The following SMG1 variants were observed in gnomAD, a reference collection of about 807,000 sequenced individuals.
SMG1 encodes SMG1 nonsense mediated mRNA decay associated PI3K related kinase.
SMG1 carries 22 observed loss-of-function variants against 419.9 expected under a neutral mutation model. The ratio of observed to expected loss-of-function variants is 0.05; its 90% confidence interval spans 0.04 to 0.07. The LOEUF (loss-of-function observed/expected upper bound fraction) is 0.07. Ranked by LOEUF, SMG1 falls within the 10% of genes least tolerant of loss-of-function variation. SMG1 has a pLI of 1.00. For synonymous variants in SMG1, 1,538 were observed against 1,553.5 expected, an observed-to-expected ratio of 0.99 and a Z score of 0.23; for missense variants, 3,185 against 4,342.0, an observed-to-expected ratio of 0.73 and a Z score of 7.49.
At position 18,882,083 on chromosome 16, in the gene SMG1, A is replaced by T. The variant is rs903367554; in HGVS notation, c.1293+82T>A. The stretch of plus-strand genomic sequence containing the variant: ...GCTAAACAAATGAAGGATTAATAAC[A>T]GTTCACCAGGTAAAGAGAAGCATTT... On this transcript the variant is annotated intron_variant, in intron 10 of 62. Transcript: ENST00000446231. The T allele has an allele frequency of 4.1e-5, 38 of 923,100 alleles. No homozygotes were observed. In the African/African-American group the frequency reaches 5.8e-4, roughly 14 times the overall value. 57.2% of individuals were successfully genotyped at this position (923,100 alleles called of 1,614,324 possible).
At chr16:18,851,456 G>A (rs538094840) in intron 33 of SMG1, among the ~76,000 whole-genome samples, 2 of 152,334 alleles carry the variant, frequency 1.3e-5, no homozygotes, top group South Asian at 4.1e-4. Flanking sequence ...AGTAAGTTTC[G>A]TGCACTGGCA....
chr16:18,816,924 C>T lies in SMG1; in HGVS notation c.10074+367G>A, dbSNP rs142629798. ...AAACTTACCAACTTGCTATTTCTGG[C>T]CTTCACTAACCTTTCCAGCATTCAT... is the stretch of plus-strand genomic sequence containing the variant. On this transcript the variant is annotated intron_variant, in intron 57 of 62. Coordinates refer to ENST00000446231, the MANE Select transcript of SMG1 (RefSeq NM_015092.5). Among the ~76,000 whole-genome samples, 4 of 152,194 alleles carry T rather than the reference C, an allele frequency of 2.6e-5. No homozygotes were observed. In the East Asian group the frequency reaches 7.7e-4, roughly 29 times the overall value.
At position 18,817,274 on chromosome 16, in the gene SMG1, T is replaced by C. The variant is rs774699757; in HGVS notation, c.10074+17A>G. ...CACTAGCCTTATTTAATCAAGTTTC[T>C]TTCCACCAAGACTCACCACTCTCTG... On this transcript the variant is annotated intron_variant, in intron 57 of 62. Transcript: ENST00000446231. 1.4e-5 allele frequency: 22 copies of C among 1,589,746 alleles called. No homozygotes were observed. In the East Asian group the frequency reaches 4.7e-4, roughly 34 times the overall value.
intron 1 of SMG1, 110 bp from the exon 2 acceptor site, chr16:18,897,066 G>T (rs1421092949): frequency 4.1e-6 from 3 of 730,468 alleles, no homozygotes; most frequent in Admixed American, 2.8e-5. Context: ...ACTATTTAGT[G>T]TAATATGTAC....
At chr16:18,886,854 C>T (rs2036633815) in intron 6 of SMG1, among the ~76,000 whole-genome samples, 1 of 152,054 alleles carries the variant, frequency 6.6e-6, no homozygotes, top group African/African-American at 2.4e-5. Flanking sequence ...ATGTTATAAT[C>T]TACACAGGCA....
At chr16:18,918,606 T>C (rs1032414813) in intron 1 of SMG1, among the ~76,000 whole-genome samples, 36 of 152,156 alleles carry the variant, frequency 2.4e-4, no homozygotes, top group African/African-American at 8.2e-4. Flanking sequence ...TGGAGTGCAA[T>C]GGCATGATCT....
chr16:18,882,176 A>T lies in SMG1; in HGVS notation c.1282T>A (p.Tyr428Asn). The T allele has an allele frequency of 4.4e-6, 7 of 1,580,210 alleles. No individual in the cohort carries two copies. Among genetic ancestry groups the T allele is most frequent in the Non-Finnish European group, 6.0e-6 (7 of 1,165,378 alleles). ...PIRGPPITEA[Y>N]VTDVLYRVMR... ...CCAAAAGCACTTACATCTGTTACAT[A>T]TGCCTCAGTAATTGGAGGACCCCGA... The change falls in exon 10 of 63, where the codon TAT becomes AAT. Residue 428 changes from tyrosine (Y) to asparagine (N), a missense_variant. By Grantham distance (143) the Tyr-to-Asn change is moderately radical (BLOSUM62 -2). Around this residue, in one of 27 missense-constraint regions of SMG1, gnomAD observed 52 missense variants for 69.0 expected, o/e 0.75. Transcript: ENST00000446231.
intron 1 of SMG1, among the ~76,000 whole-genome samples, chr16:18,902,627 G>A (rs887640160): frequency 6.6e-6 from 1 of 151,894 alleles, no homozygotes; most frequent in African/African-American, 2.4e-5. Context: ...CTGAACCTGG[G>A]AGGGAGGAGG....
intron 1 of SMG1, chr16:18,924,768 A>G (rs1454768346): frequency 6.6e-6 from 1 of 152,232 alleles, no homozygotes; most frequent in Non-Finnish European, 1.5e-5. Flanking sequence ...TTGGAAAGGC[A>G]TATTAAATAG....
rs749861336 is a variant in SMG1, at chr16:18,833,181, GA to G, written c.8566-16del. The G allele has an allele frequency of 3.1e-5, 50 of 1,602,124 alleles. No individual in the cohort carries two copies. In the South Asian group the frequency reaches 5.1e-4, roughly 16 times the overall value. ...GAATTCAATTCCTATAAATATATGA[GA>G]AAAAAACTTTTAATGTTTTTTGAGT... On this transcript the variant is annotated splice_polypyrimidine_tract_variant and intron_variant, in intron 50 of 62. Coordinates refer to ENST00000446231, the MANE Select transcript of SMG1 (RefSeq NM_015092.5).
chr16:18,859,536 C>T lies in SMG1; in HGVS notation c.3953+20G>A, dbSNP rs1567380795. On this transcript the variant is annotated intron_variant, in intron 27 of 62. Transcript: ENST00000446231. The stretch of plus-strand genomic sequence containing the variant: ...CATGATATACACAATGTACATTTAC[C>T]TCCGTAAGAGTAAACTTACTCAGTT... 1 of 1,362,786 alleles carries T rather than the reference C, an allele frequency of 7.3e-7. No homozygotes were observed. The highest frequency in any genetic ancestry group is 1.0e-6 in the Non-Finnish European group (1 of 968,472). The allele number at this position is 1,362,786 out of a possible 1,614,324, so 84.4% of individuals were successfully genotyped here.
intron 11 of SMG1, chr16:18,879,218 C>G (rs1256058960): frequency 9.3e-6 from 4 of 428,306 alleles, no homozygotes; most frequent in Middle Eastern, 7.1e-4. Context: ...TGGGCTTAAT[C>G]GATCCTCCTC....
At chr16:18,908,365 C>T (rs1401243577) in intron 1 of SMG1, among the ~76,000 whole-genome samples, 2 of 77,648 alleles carry the variant, frequency 2.6e-5, no homozygotes, top group Non-Finnish European at 5.1e-5. Context: ...ACTCAGTCTC[C>T]AAAAAAAAAA....
Position 18,843,507 on chromosome 16 carries a change from A to C in SMG1, c.6220-1053T>G, listed in dbSNP as rs2034045426. On this transcript the variant is annotated intron_variant, in intron 39 of 62. Coordinates refer to ENST00000446231, the MANE Select transcript of SMG1 (RefSeq NM_015092.5). The stretch of plus-strand genomic sequence containing the variant: ...GCTTCCATGTGAAAAAATGTAAAGC[A>C]ATTTTTAGCAAGCTCTGTTCATAAA... 2.0e-5 allele frequency among the ~76,000 whole-genome samples: 3 copies of C among 152,222 alleles called. No individual in the cohort carries two copies. The South Asian group carries it at 6.2e-4, about 32-fold the overall frequency.
chr16:18,827,630 A>T (rs2032821743), intron 55 of SMG1, among the ~76,000 whole-genome samples: 1 of 143,710 alleles, frequency 7.0e-6, no homozygotes, highest in Non-Finnish European at 1.5e-5. Flanking sequence ...ATATATTTTT[A>T]TATATATTTG....
chr16:18,866,647 G>C lies in SMG1; in HGVS notation c.3324C>G (p.Asn1108Lys). ...SIVGKNLLWI[N>K]SVAQQAEGRF... is the part of the protein sequence containing the mutation. Reference sequence around the variant, plus strand: ...TCCCTTCAGCCTGTTGAGCCACTGAGTTAATCCACAGAAGATTTTTTCCAA... The same window carrying C: ...TCCCTTCAGCCTGTTGAGCCACTGACTTAATCCACAGAAGATTTTTTCCAA... The change falls in exon 23 of 63, where the codon AAC (asparagine) becomes AAG (lysine). Residue 1108 changes from asparagine (N) to lysine (K), a missense_variant. Coordinates refer to ENST00000446231, the MANE Select transcript of SMG1 (RefSeq NM_015092.5). 6.3e-7 allele frequency: 1 copy of C among 1,593,604 alleles called. No homozygotes were observed. Among genetic ancestry groups the C allele is most frequent in the East Asian group, 2.2e-5 (1 of 44,844 alleles).
intron 42 of SMG1, among the ~76,000 whole-genome samples, chr16:18,839,158 T>A (rs1028553733): frequency 3.3e-5 from 5 of 152,166 alleles, no homozygotes; most frequent in East Asian, 1.9e-4. Flanking sequence ...TTTCTTTTTT[T>A]AAATTTAAAT....
chr16:18,817,293 C>T lies in SMG1; in HGVS notation c.10072G>A (p.Val3358Met), dbSNP rs923607486. 4.4e-6 allele frequency: 7 copies of T among 1,606,702 alleles called. No homozygotes were observed. The highest frequency in any genetic ancestry group is 1.7e-4 in the Middle Eastern group (1 of 6,060). Residue 3358 changes from valine to methionine, a missense_variant and splice_region_variant, in exon 57 of 63, where the codon GTG becomes ATG. Physicochemically the swap from Val to Met is conservative, Grantham distance 21. Transcript: ENST00000446231. ...SELELRLLQR[V>M]DTGLEHPIGS... ...AGTTTCTTTCCACCAAGACTCACCA[C>T]TCTCTGTAATAAACGAAGCTCTAAC...
Position 18,838,224 on chromosome 16 carries a change from G to A in SMG1, c.7203C>T (p.His2401=), listed in dbSNP as rs2033700510. The part of the protein sequence containing the change: ...VFRLSCEQVL[H]IMRRGRETLL... ...GGGTCTCTCTGCCACGCCGCATAAT[G>A]TGTAAAACCTGTTTTCAGGAGAGTT... The change falls in exon 45 of 63, where the codon CAC becomes CAT. Residue 2401 remains histidine (H), a synonymous_variant. Transcript: ENST00000446231. 1 of 1,610,706 alleles carries A rather than the reference G, an allele frequency of 6.2e-7. No individual in the cohort carries two copies. The highest frequency in any genetic ancestry group is 1.3e-5 in the African/African-American group (1 of 74,872).
Sources: gnomAD v4.1 joint callset for allele counts (sites outside exome capture counted in the v4.1 genomes callset) on GRCh38, gnomAD v4.1.1 for gene constraint, gnomAD v4.1.1 regional missense constraint, MANE v1.5 for transcripts, NCBI Gene and HGNC (gene_info 2026-07-23, HGNC 2026-07-21) for gene names.